The following ODAM variants were observed in gnomAD, a reference collection of about 807,000 sequenced individuals.
ODAM encodes odontogenic ameloblast-associated protein.
In ODAM, 55 loss-of-function variants were observed where a neutral mutation model predicts 48.5. That is an observed-to-expected ratio of 1.13 (90% CI 0.91 to 1.42). The LOEUF is 1.42. Among genes scored for constraint, ODAM ranks in the 40% most tolerant of loss-of-function variants. ODAM has a pLI of 0.00. For synonymous variants in ODAM, 127 were observed against 107.8 expected, an observed-to-expected ratio of 1.18 and a Z score of -1.10; for missense variants, 353 against 323.6, an observed-to-expected ratio of 1.09 and a Z score of -0.70.
At position 70,196,516 on chromosome 4, in the gene ODAM, A is replaced by G. The variant is rs1298587342; in HGVS notation, c.-15-13A>G. ...TGTCTTTATAAAGCTAAAGATCACA[A>G]CTTATTTTCTAGATATATCATACGA... On this transcript the variant is annotated splice_polypyrimidine_tract_variant and intron_variant, in intron 1 of 11. Coordinates refer to ENST00000683306, the MANE Select transcript of ODAM (RefSeq NM_017855.4). 1.4e-6 allele frequency: 2 copies of G among 1,439,274 alleles called. No homozygotes were observed. The highest frequency in any genetic ancestry group is 2.0e-4 in the Middle Eastern group (1 of 4,950). 89.2% of individuals were successfully genotyped at this position (1,439,274 alleles called of 1,614,324 possible).
At chr4:70,200,623 A>G in intron 7 of ODAM, 22 bp downstream of exon 7, 1 of 1,446,220 alleles carries the variant, frequency 6.9e-7, no homozygotes, top group Non-Finnish European at 9.7e-7. Flanking sequence ...GTTTTATTTT[A>G]ATCCTACTAG....
chr4:70,197,426 C>G, intron 4 of ODAM, 105 bp downstream of exon 4: 1 of 750,644 alleles, frequency 1.3e-6, no homozygotes, highest in Non-Finnish European at 2.4e-6. Flanking sequence ...TTGGAAATCT[C>G]AGTTTTTAAC....
At chr4:70,202,610 T>C (rs1729524192) in intron 9 of ODAM, 146 bp from the exon 10 acceptor site, 2 of 640,962 alleles carry the variant, frequency 3.1e-6, no homozygotes, top group Non-Finnish European at 5.3e-6. Flanking sequence ...TTTATGTAGC[T>C]TATAATCTAA....
chr4:70,197,430 T>G (rs1364794760), intron 4 of ODAM, 109 bp downstream of exon 4: 1 of 748,732 alleles, frequency 1.3e-6, no homozygotes, highest in African/African-American at 1.8e-5. Context: ...AAATCTCAGT[T>G]TTTAACATTA....
intron 6 of ODAM, 86 bp downstream of exon 6, chr4:70,198,712 C>A: frequency 1.9e-6 from 2 of 1,053,208 alleles, no homozygotes; most frequent in Non-Finnish European, 2.9e-6. Flanking sequence ...ACTCCTATAG[C>A]AGGGCTATAA....
chr4:70,201,323 T>C (rs1729487929), intron 7 of ODAM, 131 bp from the exon 8 acceptor site: 1 of 523,428 alleles, frequency 1.9e-6, no homozygotes, highest in Non-Finnish European at 3.4e-6. Flanking sequence ...TTTTAGTTAC[T>C]GGAACATATA....
chr4:70,201,554 T>C (rs1729494642), intron 8 of ODAM, 53 bp downstream of exon 8: 1 of 970,352 alleles, frequency 1.0e-6, no homozygotes, highest in South Asian at 1.4e-5. Context: ...CTTCCTTCAT[T>C]GTCTACTAAA....
chr4:70,201,951 C>G (rs911643723), intron 8 of ODAM, among the ~76,000 whole-genome samples: 1 of 151,788 alleles, frequency 6.6e-6, no homozygotes, highest in South Asian at 2.1e-4. Flanking sequence ...TTACTTCAGA[C>G]AAAATTTTGA....
At chr4:70,203,030 A>C (rs1036121399) in intron 10 of ODAM, 113 bp downstream of exon 10, 8 of 1,311,684 alleles carry the variant, frequency 6.1e-6, no homozygotes, top group African/African-American at 3.0e-5. Flanking sequence ...GAAGATAACT[A>C]ATGAAAAATA....
chr4:70,201,642 A>G (rs1049436182), intron 8 of ODAM, 141 bp downstream of exon 8: 2 of 623,776 alleles, frequency 3.2e-6, no homozygotes, highest in Non-Finnish European at 2.9e-6. Context: ...CACTCAGTAC[A>G]AGGAGGAGAA....
At chr4:70,199,859 T>C (rs1729459043) in intron 6 of ODAM, among the ~76,000 whole-genome samples, 2 of 151,976 alleles carry the variant, frequency 1.3e-5, no homozygotes, top group South Asian at 4.1e-4. Flanking sequence ...TTAACATATG[T>C]ACTAAGATTC....
chr4:70,199,997 T>C, intron 6 of ODAM: 1 of 352,444 alleles, frequency 2.8e-6, no homozygotes. Context: ...TTGTTACTTG[T>C]CTATGTCTTG....
intron 4 of ODAM, 79 bp from the exon 5 acceptor site, chr4:70,197,845 C>G: frequency 3.5e-6 from 4 of 1,133,064 alleles, no homozygotes; most frequent in Non-Finnish European, 5.1e-6. Flanking sequence ...TGTATTTTGC[C>G]TCTTTCTTGC....
Position 70,196,561 on chromosome 4 carries a change from T to C in ODAM, c.18T>C (p.Leu6=), listed in dbSNP as rs1350988773. 2 of 1,591,578 alleles carry C rather than the reference T, an allele frequency of 1.3e-6. No homozygotes were observed. Among genetic ancestry groups the C allele is most frequent in the Non-Finnish European group, 1.7e-6 (2 of 1,163,668 alleles). ...ATACGAAAATGAAAATTATAATTCT[T>C]CTTGGATTCCTGGGAGCCACATTGT... is the stretch of plus-strand genomic sequence containing the variant. MKIII[L]LGFLGATLSA... is the part of the protein sequence containing the mutation. Residue 6 remains leucine (L), a synonymous_variant, in exon 2 of 12, where the codon CTT becomes CTC. Transcript: ENST00000683306.
chr4:70,197,474 C>T (rs1370766540), intron 4 of ODAM, among the ~76,000 whole-genome samples, 153 bp downstream of exon 4: 1 of 151,930 alleles, frequency 6.6e-6, no homozygotes, highest in Non-Finnish European at 1.5e-5. Flanking sequence ...TGGCCATTTG[C>T]TTGAAGATTA....
At chr4:70,202,459 A>G (rs1178068039) in intron 9 of ODAM, 130 bp downstream of exon 9, 4 of 794,308 alleles carry the variant, frequency 5.0e-6, no homozygotes, top group African/African-American at 1.7e-5. Flanking sequence ...TCTTCTTACA[A>G]TATTTTGCCA....
At chr4:70,196,462 C>A in intron 1 of ODAM, 67 bp from the exon 2 acceptor site, 1 of 854,322 alleles carries the variant, frequency 1.2e-6, no homozygotes, top group Non-Finnish European at 1.8e-6. Flanking sequence ...TTGAACAATA[C>A]TAATTATTTT....
At chr4:70,202,228 T>A (rs940623556) in intron 8 of ODAM, 30 bp from the exon 9 acceptor site, 6 of 1,577,150 alleles carry the variant, frequency 3.8e-6, no homozygotes, top group Middle Eastern at 1.7e-4. Flanking sequence ...ATCACTGATT[T>A]AGACTTTTTA....
At chr4:70,202,436 T>C (rs1411857139) in intron 9 of ODAM, 107 bp downstream of exon 9, 2 of 955,828 alleles carry the variant, frequency 2.1e-6, no homozygotes, top group African/African-American at 1.6e-5. Flanking sequence ...CATCAATAAT[T>C]TTTGCTTCTT....
Sources: gnomAD v4.1 joint callset for allele counts (sites outside exome capture counted in the v4.1 genomes callset) on GRCh38, gnomAD v4.1.1 for gene constraint, MANE v1.5 for transcripts, NCBI Gene and HGNC (gene_info 2026-07-23, HGNC 2026-07-21) for gene names.